The following SERINC5 variants were observed in gnomAD, a reference collection of about 807,000 sequenced individuals.
SERINC5 encodes chromosome 5 open reading frame 12.
SERINC5 carries 41 observed loss-of-function variants against 63.1 expected under a neutral mutation model. The ratio of observed to expected loss-of-function variants is 0.65; its 90% CI spans 0.51 to 0.84. The LOEUF (loss-of-function observed/expected upper bound fraction) is 0.84. Among genes scored for constraint, SERINC5 ranks in the 40% least tolerant of loss-of-function variants. The pLI, the probability that SERINC5 is intolerant of heterozygous loss-of-function variation, is 0.00. For synonymous variants in SERINC5, 222 were observed against 215.2 expected, an observed-to-expected ratio of 1.03 and a Z score of -0.28; for missense variants, 523 against 573.0, an observed-to-expected ratio of 0.91 and a Z score of 0.89.
At chr5:80,187,306 A>G (rs1748869923) in intron 2 of SERINC5, among the ~76,000 whole-genome samples, 1 of 152,228 alleles carries the variant, frequency 6.6e-6, no homozygotes, top group Non-Finnish European at 1.5e-5. Context: ...GAAGAACTAG[A>G]TTTGCAAGTT....
At chr5:80,146,463 A>T (rs1000211092) in intron 10 of SERINC5, among the ~76,000 whole-genome samples, 3 of 151,830 alleles carry the variant, frequency 2.0e-5, no homozygotes, top group African/African-American at 7.3e-5. Flanking sequence ...TTATTTATTT[A>T]TTTTTTGAGA....
chr5:80,218,301 G>A (rs1750755885), intron 1 of SERINC5, among the ~76,000 whole-genome samples: 1 of 152,222 alleles, frequency 6.6e-6, no homozygotes, highest in African/African-American at 2.4e-5. Flanking sequence ...AGCAGTTTGG[G>A]AGGCCAAGGT....
chr5:80,249,047 G>C (rs911739717), intron 1 of SERINC5, among the ~76,000 whole-genome samples: 1 of 152,210 alleles, frequency 6.6e-6, no homozygotes, highest in Non-Finnish European at 1.5e-5. Context: ...GGGTACGGTG[G>C]CTCACGCCTG....
intron 1 of SERINC5, 47 bp downstream of exon 1, chr5:80,255,849 C>T: frequency 6.3e-7 from 1 of 1,579,736 alleles, no homozygotes; most frequent in East Asian, 2.4e-5. Flanking sequence ...ACTCCTGGCC[C>T]GGTTCTCCGA....
intron 11 of SERINC5, among the ~76,000 whole-genome samples, chr5:80,129,713 T>C (rs1027358929): frequency 2.0e-5 from 3 of 152,270 alleles, no homozygotes; most frequent in Admixed American, 6.5e-5. Flanking sequence ...CATATATAGA[T>C]GTTCTAAGTG....
intron 1 of SERINC5, among the ~76,000 whole-genome samples, chr5:80,251,288 ATG>A (rs1752403134): frequency 2.9e-5 from 1 of 33,972 alleles, no homozygotes; most frequent in African/African-American, 6.2e-4. Context: ...AAATACATAC[ATG>A]CATACATACA....
chr5:80,121,176 C>T (rs567142713), intron 11 of SERINC5, among the ~76,000 whole-genome samples: 7 of 152,180 alleles, frequency 4.6e-5, no homozygotes, highest in African/African-American at 1.7e-4. Context: ...CATGAGCCAA[C>T]GCACCCAGCC....
chr5:80,213,916 A>G (rs1002321689), intron 1 of SERINC5, among the ~76,000 whole-genome samples: 1 of 152,178 alleles, frequency 6.6e-6, no homozygotes, highest in African/African-American at 2.4e-5. Flanking sequence ...CGCAGTAAAC[A>G]AGAGACCTTG....
intron 1 of SERINC5, among the ~76,000 whole-genome samples, chr5:80,239,868 G>C (rs769361926): frequency 6.6e-6 from 1 of 151,986 alleles, no homozygotes; most frequent in Non-Finnish European, 1.5e-5. Context: ...ACAAGAAATC[G>C]AGCACAATTG....
At chr5:80,233,881 G>T (rs4704648) in intron 1 of SERINC5, among the ~76,000 whole-genome samples, 47,049 of 140,364 alleles carry the variant, frequency 0.34, 8,053 homozygotes, top group African/African-American at 0.43. Flanking sequence ...GCATGATCTC[G>T]GCTCACTACA....
At chr5:80,228,343 G>A (rs1383881377) in intron 1 of SERINC5, among the ~76,000 whole-genome samples, 4 of 151,626 alleles carry the variant, frequency 2.6e-5, no homozygotes, top group African/African-American at 9.7e-5. Context: ...AAGAAAAAAT[G>A]TATAGACACT....
At chr5:80,117,921 T>C (rs908518380) in intron 11 of SERINC5, among the ~76,000 whole-genome samples, 2 of 151,846 alleles carry the variant, frequency 1.3e-5, no homozygotes, top group African/African-American at 4.9e-5. Context: ...ACACTTGTCA[T>C]GCCAGACATG....
At position 80,139,721 on chromosome 5, in the gene SERINC5, C is replaced by T; in HGVS notation, c.*3942G>A. ...CAAAACTAAGTTAACTAGCAAGTTA[C>T]AGGAAATAGCCTTCAGTAAATTCCA... On this transcript the variant is annotated 3_prime_UTR_variant, in exon 12 of 12. Transcript: ENST00000507668. 1.0e-6 allele frequency: 1 copy of T among 985,408 alleles called. No individual in the cohort carries two copies. Among genetic ancestry groups the T allele is most frequent in the Non-Finnish European group, 1.2e-6 (1 of 829,952 alleles). The allele number at this position is 985,408 out of a possible 1,614,324, so 61.0% of individuals were successfully genotyped here.
At chr5:80,133,248 C>A (rs555470098) in intron 11 of SERINC5, among the ~76,000 whole-genome samples, 2 of 152,298 alleles carry the variant, frequency 1.3e-5, no homozygotes, top group East Asian at 3.9e-4. Context: ...CAAATAAACC[C>A]CTTTTCTCTA....
intron 1 of SERINC5, among the ~76,000 whole-genome samples, chr5:80,221,323 C>T (rs1580185232): frequency 1.3e-5 from 2 of 152,242 alleles, no homozygotes; most frequent in East Asian, 3.8e-4. Flanking sequence ...ACGCCACACA[C>T]CCAACAGCCA....
At chr5:80,172,175 C>T (rs990150605) in intron 5 of SERINC5, among the ~76,000 whole-genome samples, 1 of 151,934 alleles carries the variant, frequency 6.6e-6, no homozygotes, top group African/African-American at 2.4e-5. Flanking sequence ...ACCAAAAATA[C>T]AAAAATTATC....
At chr5:80,233,357 G>A (rs1751539366) in intron 1 of SERINC5, among the ~76,000 whole-genome samples, 1 of 152,148 alleles carries the variant, frequency 6.6e-6, no homozygotes, top group Admixed American at 6.5e-5. Flanking sequence ...AACCCGGGAG[G>A]CGGAGGTTGC....
At chr5:80,236,525 ATCT>A (rs1353391511) in intron 1 of SERINC5, among the ~76,000 whole-genome samples, 1 of 151,224 alleles carries the variant, frequency 6.6e-6, no homozygotes, top group Non-Finnish European at 1.5e-5. Flanking sequence ...TAAGTCCTAA[ATCT>A]TTTTTTTTTT....
intron 2 of SERINC5, among the ~76,000 whole-genome samples, chr5:80,194,166 A>T (rs1749361117): frequency 6.6e-6 from 1 of 152,270 alleles, no homozygotes; most frequent in South Asian, 2.1e-4. Context: ...GCTGGATTTT[A>T]AAAAAGCATT....
Sources: allele counts gnomAD v4.1 joint callset (sites outside exome capture counted in the v4.1 genomes callset), GRCh38; gene constraint gnomAD v4.1.1; transcripts MANE v1.5; gene names NCBI Gene and HGNC (gene_info 2026-07-23, HGNC 2026-07-21).